Variants in NEB observed in about 807,000 individuals in gnomAD.
The protein encoded by NEB is nebulin, also known as nemaline myopathy type 2.
A neutral mutation model predicts 952.2 loss-of-function variants in NEB; 512 were observed. The ratio of observed to expected loss-of-function variants is 0.54; its 90% CI spans 0.50 to 0.58. The LOEUF is 0.58. NEB is among the 20% of genes least tolerant of loss of function. The pLI is 0.00. For synonymous variants in NEB, 2,900 were observed against 3,149.8 expected (o/e 0.92, Z 2.66); for missense variants, 8,428 against 9,231.1 (o/e 0.91, Z 3.56).
Position 151,562,232 on chromosome 2 carries a change from C to A in NEB, c.18892-18G>T, listed in dbSNP as rs996079686. 1.3e-6 allele frequency: 2 copies of A among 1,556,172 alleles called. No individual in the cohort carries two copies. Among genetic ancestry groups the A allele is most frequent in the Non-Finnish European group, 8.9e-7 (1 of 1,127,350 alleles). On this transcript the variant is annotated intron_variant, in intron 120 of 181. Transcript: ENST00000397345. ...TACACATTCTGCAAGAAAGAGAGAA[C>A]AATGAAATGTGGAAGGTATTCTGAA...
chr2:151,656,616 T>C (rs1297220056), intron 48 of NEB, among the ~76,000 whole-genome samples, 152 bp from the exon 49 acceptor site: 1 of 152,054 alleles, frequency 6.6e-6, no homozygotes, highest in Non-Finnish European at 1.5e-5. Flanking sequence ...TAATTTTTCA[T>C]ATTTATTGAT....
At chr2:151,513,314 C>T (rs539404905) in intron 160 of NEB, among the ~76,000 whole-genome samples, 165 of 152,136 alleles carry the variant, frequency 1.1e-3, no homozygotes, top group Non-Finnish European at 2.0e-3. Context: ...GAGTTTGCCC[C>T]AGCTCCAAAC....
At chr2:151,722,700 C>T (rs1290527410) in intron 9 of NEB, among the ~76,000 whole-genome samples, 5 of 152,094 alleles carry the variant, frequency 3.3e-5, no homozygotes, top group African/African-American at 1.2e-4. Context: ...TGCACCCCCA[C>T]ACTTGGCTAA....
Position 151,610,791 on chromosome 2 carries a change from C to A in NEB, c.11881G>T (p.Ala3961Ser). ...VMPDTPDILL[A>S]KSNSANISQK... ...CTGATATTGGCAGAATTACTCTTGG[C>A]CAGCAGGATATCTGGGGTGTCTGGC... The change falls in exon 79 of 182, where the codon GCC (alanine) becomes TCC (serine). Residue 3961 changes from alanine to serine, a missense_variant. Transcript: ENST00000397345. 1.2e-6 allele frequency: 2 copies of A among 1,608,832 alleles called. No individual in the cohort carries two copies. The highest frequency in any genetic ancestry group is 1.7e-6 in the Non-Finnish European group (2 of 1,177,254).
rs1389374032 is a variant in NEB at position 151,643,346 on chromosome 2, T to C, written c.7964A>G (p.Tyr2655Cys). The C allele has an allele frequency of 1.9e-6, 3 of 1,601,422 alleles. No individual in the cohort carries two copies. Among genetic ancestry groups the C allele is most frequent in the Non-Finnish European group, 2.6e-6 (3 of 1,172,040 alleles). Residue 2655 changes from tyrosine to cysteine, a missense_variant, in exon 58 of 182, where the codon TAC (tyrosine) becomes TGC (cysteine). Tyr to Cys is a radical substitution (Grantham distance 194). Coordinates refer to ENST00000397345, the MANE Select transcript of NEB (RefSeq NM_001164508.2). Reference protein sequence around the residue: ...QAYDLQSDNLYKSDLQWLKGI... With the variant: ...QAYDLQSDNLCKSDLQWLKGI... ...TTTTAGCCACTGAAGGTCTGACTTGTACAAATTCTGAAAGTGCAAGTGACA... is the reference window on the plus strand; with the variant it reads ...TTTTAGCCACTGAAGGTCTGACTTGCACAAATTCTGAAAGTGCAAGTGACA...
chr2:151,700,344 C>T (rs1428127208), intron 13 of NEB, among the ~76,000 whole-genome samples: 117 of 69,874 alleles, frequency 1.7e-3, no homozygotes, highest in Non-Finnish European at 1.9e-3. Flanking sequence ...CTTGGCGATG[C>T]GGGCTCTTTT....
At chr2:151,517,956 G>A (rs1037683305) in intron 156 of NEB, among the ~76,000 whole-genome samples, 2 of 152,038 alleles carry the variant, frequency 1.3e-5, no homozygotes, top group Admixed American at 6.6e-5. Flanking sequence ...AGACCTGATC[G>A]TATCACTTCT....
intron 153 of NEB, among the ~76,000 whole-genome samples, chr2:151,523,398 T>C (rs1306712665): frequency 6.6e-6 from 1 of 152,264 alleles, no homozygotes; most frequent in African/African-American, 2.4e-5. Flanking sequence ...TGGAATCCCA[T>C]GTTTGCTATT....
chr2:151,502,261 T>C lies in NEB; in HGVS notation c.23928+532A>G, dbSNP rs561613991. 4.6e-5 allele frequency among the ~76,000 whole-genome samples: 7 copies of C among 152,218 alleles called. No homozygotes were observed. In the South Asian group the frequency reaches 8.3e-4, roughly 18 times the overall value. The stretch of plus-strand genomic sequence containing the variant: ...GCGAGGGAATAAAACACTACAAATA[T>C]GGTGCAGTGTATACTGCTTGGGTGA... On this transcript the variant is annotated intron_variant, in intron 167 of 181. Transcript: ENST00000397345.
At chr2:151,520,598 C>T (rs1249317463) in intron 153 of NEB, among the ~76,000 whole-genome samples, 1 of 152,084 alleles carries the variant, frequency 6.6e-6, no homozygotes, top group African/African-American at 2.4e-5. Context: ...GGTGTGGTGG[C>T]TCATGCCTGT....
Position 151,532,363 on chromosome 2 carries a change from A to G in NEB, c.21418-467T>C, listed in dbSNP as rs188046646. Among the ~76,000 whole-genome samples, 13 of 152,248 alleles carry G rather than the reference A, an allele frequency of 8.5e-5. No individual in the cohort carries two copies. In the East Asian group the frequency reaches 2.1e-3, roughly 25 times the overall value. The stretch of plus-strand genomic sequence containing the variant: ...TGACAAATATTGTTTTACTCATAAC[A>G]TATTGTATTGAACATGTACAATCTC... On this transcript the variant is annotated intron_variant, in intron 143 of 181. Coordinates refer to ENST00000397345, the MANE Select transcript of NEB (RefSeq NM_001164508.2).
At chr2:151,527,105 C>G (rs2086660785) in intron 147 of NEB, 83 bp from the exon 148 acceptor site, 3 of 878,012 alleles carry the variant, frequency 3.4e-6, no homozygotes, top group Non-Finnish European at 3.6e-6. Flanking sequence ...CACAGGGAGT[C>G]CTCTTAAGGA....
At chr2:151,668,190 A>G (rs1418289468) in intron 39 of NEB, among the ~76,000 whole-genome samples, 2 of 152,182 alleles carry the variant, frequency 1.3e-5, no homozygotes, top group African/African-American at 4.8e-5. Flanking sequence ...GGATAACAGA[A>G]GGTTTTCATT....
At chr2:151,650,967 C>CT (rs975196879) in intron 52 of NEB, 82 bp from the exon 53 acceptor site, 98 of 1,349,360 alleles carry the variant, frequency 7.3e-5, no homozygotes, top group African/African-American at 2.6e-4. Context: ...TTCTTTCTTT[C>CT]TTTTTTTTGA....
At chr2:151,639,613 T>C (rs2098822531) in intron 62 of NEB, among the ~76,000 whole-genome samples, 1 of 152,336 alleles carries the variant, frequency 6.6e-6, no homozygotes, top group East Asian at 1.9e-4. Flanking sequence ...AGAATAAGCA[T>C]ATTTTATGCA....
At position 151,501,344 on chromosome 2, in the gene NEB, A is replaced by AAATT. The variant is rs1483289734; in HGVS notation, c.24021+43_24021+46dup. On this transcript the variant is annotated intron_variant, in intron 168 of 181. Transcript: ENST00000397345. Reference sequence around the variant, plus strand: ...AACAGTGAGATGTTCTGTTTTGTAGAAATTATTATTTTTTAATATGGAGTT... The same window carrying AAATT: ...AACAGTGAGATGTTCTGTTTTGTAGAAATTAATTATTATTTTTTAATATGGAGTT... The AAATT allele has an allele frequency of 3.2e-6, 4 of 1,269,688 alleles. No individual in the cohort carries two copies. The South Asian group carries it at 5.2e-5, about 17-fold the overall frequency. The allele number at this position is 1,269,688 out of a possible 1,614,324, so 78.7% of individuals were successfully genotyped here.
intron 154 of NEB, among the ~76,000 whole-genome samples, 155 bp downstream of exon 154, chr2:151,519,503 G>A (rs1038132381): frequency 1.3e-5 from 2 of 152,170 alleles, no homozygotes; most frequent in African/African-American, 4.8e-5. Flanking sequence ...TTTGCTTAAT[G>A]GTTATAGTTT....
rs906179217 is a variant in NEB, at chr2:151,518,951, A to G, written c.22695+14T>C. The G allele has an allele frequency of 2.5e-6, 4 of 1,582,292 alleles. No homozygotes were observed. Among genetic ancestry groups the G allele is most frequent in the Non-Finnish European group, 3.5e-6 (4 of 1,151,412 alleles). ...GTAAAACAAGCTGTTTCTGGAGCAA[A>G]TGACTGAGCTTACAGAACTGGCAAG... On this transcript the variant is annotated intron_variant, in intron 155 of 181. Transcript: ENST00000397345.
intron 109 of NEB, 123 bp from the exon 110 acceptor site, chr2:151,569,495 G>T: frequency 1.4e-6 from 1 of 727,716 alleles, no homozygotes; most frequent in Non-Finnish European, 2.5e-6. Flanking sequence ...ACATACTCAA[G>T]CAGCCACGCA....
Sources: gnomAD v4.1 joint callset for allele counts (sites outside exome capture counted in the v4.1 genomes callset) on GRCh38, gnomAD v4.1.1 for gene constraint, MANE v1.5 for transcripts, NCBI Gene and HGNC (gene_info 2026-07-23, HGNC 2026-07-21) for gene names.